The following DDR1 variants were observed in gnomAD, a reference collection of about 807,000 sequenced individuals.
The protein encoded by DDR1 is discoidin domain receptor tyrosine kinase 1.
Under a neutral mutation model 97.4 loss-of-function variants are expected in DDR1, and 64 were observed. The observed-to-expected ratio is 0.66, with a 90% CI of 0.54 to 0.81. The LOEUF (loss-of-function observed/expected upper bound fraction) is 0.81. Ranked by LOEUF, DDR1 falls within the 30% of genes least tolerant of loss-of-function variation. The probability of loss-of-function intolerance (pLI) is 0.00; values close to 1 mark genes in which losing one functional copy is unlikely to be tolerated. For missense variants in DDR1, 990 were observed against 1,259.6 expected, an observed-to-expected ratio of 0.79 and a Z score of 3.24; for synonymous variants, 458 against 503.7, an observed-to-expected ratio of 0.91 and a Z score of 1.21.
rs1582108106 is a variant in DDR1 at position 30,897,887 on chromosome 6, G to A, written c.2217-186G>A. ...GTCCAGATTGGGGAGCACAATAAAA[G>A]AAGAGCCCCCTAGTGTTGGCCAGGC... On this transcript the variant is annotated intron_variant, in intron 15 of 17. Transcript: ENST00000376568. This position sits in a 1 kb window ranked among gnomAD's most constrained non-coding sequence, Gnocchi z 5.2. 2.0e-5 allele frequency among the ~76,000 whole-genome samples: 3 copies of A among 152,330 alleles called. 1 individual carries two copies.
chr6:30,887,980 T>C lies in DDR1; in HGVS notation c.-42-708T>C, dbSNP rs1441953314. Among the ~76,000 whole-genome samples the C allele has an allele frequency of 4.6e-5, 7 of 152,302 alleles. No homozygotes were observed. The East Asian group carries it at 9.6e-4, about 21-fold the overall frequency. On this transcript the variant is annotated intron_variant, in intron 1 of 17. Coordinates refer to ENST00000376568, the MANE Select transcript of DDR1 (RefSeq NM_001297654.2). ...AGAGGATGTGCATTTTTAATTATAA[T>C]AGACATTGCTAGATTGCTTTCCAAA...
chr6:30,891,546 T>TGA lies in DDR1; in HGVS notation c.665+68_665+69insAG. 1.1e-6 allele frequency: 1 copy of TGA among 934,300 alleles called. No homozygotes were observed. The highest frequency in any genetic ancestry group is 1.7e-6 in the Non-Finnish European group (1 of 605,424). The allele number at this position is 934,300 out of a possible 1,614,324, so 57.9% of individuals were successfully genotyped here. A position where few individuals can be genotyped will look rare whatever the true frequency, so the allele number is the denominator to read the frequency against. On this transcript the variant is annotated intron_variant, in intron 6 of 17. Coordinates refer to ENST00000376568, the MANE Select transcript of DDR1 (RefSeq NM_001297654.2). This position sits in a 1 kb window ranked among gnomAD's most constrained non-coding sequence, Gnocchi z 5.3. ...GGAGGACTGTGTGTGTGTGTGTGTG[T>TGA]GTGTGTGTGTGAGAGTGTGTGTGTG...
intron 1 of DDR1, chr6:30,885,733 ACT>A (rs924600621): frequency 2.3e-6 from 3 of 1,295,932 alleles, no homozygotes; most frequent in Admixed American, 2.3e-5. Context: ...TGTCTCAGAA[ACT>A]CTGTGAGGGT....
rs1005698523 is a variant in DDR1 at position 30,894,458 on chromosome 6, C to G, written c.1348-48C>G. 1.3e-6 allele frequency: 2 copies of G among 1,541,710 alleles called. No individual in the cohort carries two copies. Among genetic ancestry groups the G allele is most frequent in the African/African-American group, 2.7e-5 (2 of 72,934 alleles). On this transcript the variant is annotated intron_variant, in intron 10 of 17. Coordinates refer to ENST00000376568, the MANE Select transcript of DDR1 (RefSeq NM_001297654.2). This position sits in a 1 kb window ranked among gnomAD's most constrained non-coding sequence, Gnocchi z 5.7. ...GGGATGGACACAGCAGAGGGCCAGG[C>G]CGTGTGTGCTGAGCAACACGGGTGA...
Position 30,897,337 on chromosome 6 carries a change from C to G in DDR1, c.1998-42C>G. The stretch of plus-strand genomic sequence containing the variant: ...TGGGGGCGCGGGGGAAGGTGCAGGC[C>G]GCCCACTCGGCATTCCTCTTCAGCT... On this transcript the variant is annotated intron_variant, in intron 14 of 17. Coordinates refer to ENST00000376568, the MANE Select transcript of DDR1 (RefSeq NM_001297654.2). This position sits in a 1 kb window ranked among gnomAD's most constrained non-coding sequence, Gnocchi z 5.2. 6.3e-7 allele frequency: 1 copy of G among 1,599,466 alleles called. No individual in the cohort carries two copies. Among genetic ancestry groups the G allele is most frequent in the Non-Finnish European group, 8.5e-7 (1 of 1,172,142 alleles).
In DDR1 at chr6:30,890,957, G is replaced by T; in HGVS notation, c.418-16G>T. On this transcript the variant is annotated splice_polypyrimidine_tract_variant and intron_variant, in intron 4 of 17. Transcript: ENST00000376568. The surrounding 1 kb of genome is among the most constrained non-coding windows in gnomAD (Gnocchi z 5.0). ...CTGGACTCCATCCCACCCACCCCCT[G>T]TTTCCTGGCCCACAGGTGATCTCAG... 1 of 1,557,190 alleles carries T rather than the reference G, an allele frequency of 6.4e-7. No individual in the cohort carries two copies. Among genetic ancestry groups the T allele is most frequent in the Non-Finnish European group, 8.7e-7 (1 of 1,155,490 alleles).
Position 30,898,216 on chromosome 6 carries a change from T to C in DDR1, c.2360T>C (p.Met787Thr), listed in dbSNP as rs1293045259. The C allele has an allele frequency of 4.3e-6, 7 of 1,613,912 alleles. No homozygotes were observed. Among genetic ancestry groups the C allele is most frequent in the African/African-American group, 1.3e-5 (1 of 74,948 alleles). ...ACCATCAAAATCGCAGACTTTGGCA[T>C]GAGCCGGAACCTCTATGCTGGGGAC... ...NFTIKIADFG[M>T]SRNLYAGDYY... Residue 787 changes from methionine to threonine, a missense_variant, in exon 16 of 18, where the codon ATG becomes ACG. Physicochemically the swap from Met to Thr is moderately conservative, Grantham distance 81. Transcript: ENST00000376568.
In DDR1 at chr6:30,888,468, T is replaced by G. The variant is rs905074346; in HGVS notation, c.-42-220T>G. On this transcript the variant is annotated intron_variant, in intron 1 of 17. Transcript: ENST00000376568. The surrounding 1 kb of genome is among the most constrained non-coding windows in gnomAD (Gnocchi z 4.2). ...ATGGATAGTAATAGTATCTACCTTA[T>G]GAAGTGACTGTGAAGATAAAATTAT... 6.8e-6 allele frequency: 4 copies of G among 588,004 alleles called. No homozygotes were observed. Among genetic ancestry groups the G allele is most frequent in the Non-Finnish European group, 1.2e-5 (4 of 334,014 alleles). 36.4% of individuals were successfully genotyped at this position (588,004 alleles called of 1,614,324 possible).
In DDR1 at chr6:30,897,649, CTCCTCTCCCCTCGCTT is replaced by C. The variant is rs752469979; in HGVS notation, c.2216+53_2216+68del. 3.5e-6 allele frequency: 5 copies of C among 1,430,130 alleles called. No homozygotes were observed. In the African/African-American group the frequency reaches 7.0e-5, roughly 20 times the overall value. 88.6% of individuals were successfully genotyped at this position (1,430,130 alleles called of 1,614,324 possible). On this transcript the variant is annotated intron_variant, in intron 15 of 17. Coordinates refer to ENST00000376568, the MANE Select transcript of DDR1 (RefSeq NM_001297654.2). The surrounding 1 kb of genome is among the most constrained non-coding windows in gnomAD (Gnocchi z 5.2). ...GCTCAGAATTCCCCCAGGGGATCTC[CTCCTCTCCCCTCGCTT>C]CAGCCTGGAGGAAAAGAGGGGAGCG...
At position 30,891,959 on chromosome 6, in the gene DDR1, TC is replaced by T. The variant is rs1382105431; in HGVS notation, c.666-42del. On this transcript the variant is annotated intron_variant, in intron 6 of 17. Transcript: ENST00000376568. The surrounding 1 kb of genome is among the most constrained non-coding windows in gnomAD (Gnocchi z 5.3). ...GCAGAATGCCTGGATGTCAAGACCC[TC>T]TTCCCTTCCAACCTCCTCTTCCTTG... The T allele has an allele frequency of 1.0e-5, 16 of 1,607,876 alleles. No homozygotes were observed. Among genetic ancestry groups the T allele is most frequent in the Non-Finnish European group, 1.1e-5 (13 of 1,175,792 alleles).
In DDR1 at chr6:30,897,585, G is replaced by A; in HGVS notation, c.2204G>A (p.Gly735Glu). ...GAPGDGQAAQ[G>E]PTISYPMLLH... ...CCTGGGGACGGGCAGGCTGCGCAGG[G>A]GCCCACCATCAGGTACCTGCTTACC... is the stretch of plus-strand genomic sequence containing the variant. The change falls in exon 15 of 18, where the codon GGG becomes GAG. Residue 735 changes from glycine to glutamate, a missense_variant. Transcript: ENST00000376568. The surrounding 1 kb of genome is among the most constrained non-coding windows in gnomAD (Gnocchi z 5.2). The A allele has an allele frequency of 6.2e-7, 1 of 1,611,042 alleles. No individual in the cohort carries two copies. The highest frequency in any genetic ancestry group is 1.1e-5 in the South Asian group (1 of 91,022).
upstream of DDR1, among the ~76,000 whole-genome samples, chr6:30,882,225 T>G (rs1784418738): frequency 6.6e-6 from 1 of 152,180 alleles, no homozygotes; most frequent in African/African-American, 2.4e-5. This position sits in a 1 kb window ranked among gnomAD's most constrained non-coding sequence, Gnocchi z 4.8. Context: ...AGCTGCCTTC[T>G]CCCCTCTCCT....
In DDR1 at chr6:30,886,060, G is replaced by A. The variant is rs1785688317; in HGVS notation, c.-43+1350G>A. Reference sequence around the variant, plus strand: ...GTGGAGAGAGATGAGGTGACTGGGGGTGTTGGAGAACAGACAGCCCAGACG... The same window carrying A: ...GTGGAGAGAGATGAGGTGACTGGGGATGTTGGAGAACAGACAGCCCAGACG... On this transcript the variant is annotated intron_variant, in intron 1 of 17. Coordinates refer to ENST00000376568, the MANE Select transcript of DDR1 (RefSeq NM_001297654.2). The surrounding 1 kb of genome is among the most constrained non-coding windows in gnomAD (Gnocchi z 4.6). 6.6e-6 allele frequency among the ~76,000 whole-genome samples: 1 copy of A among 152,268 alleles called. No individual in the cohort carries two copies. Among genetic ancestry groups the A allele is most frequent in the Non-Finnish European group, 1.5e-5 (1 of 68,016 alleles).
At position 30,888,492 on chromosome 6, in the gene DDR1, A is replaced by T. The variant is rs1786708592; in HGVS notation, c.-42-196A>T. 1 of 612,158 alleles carries T rather than the reference A, an allele frequency of 1.6e-6. No individual in the cohort carries two copies. Among genetic ancestry groups the T allele is most frequent in the East Asian group, 2.8e-5 (1 of 35,918 alleles). 37.9% of individuals were successfully genotyped at this position (612,158 alleles called of 1,614,324 possible). A position where few individuals can be genotyped will look rare whatever the true frequency, so the allele number is the denominator to read the frequency against. On this transcript the variant is annotated intron_variant, in intron 1 of 17. Coordinates refer to ENST00000376568, the MANE Select transcript of DDR1 (RefSeq NM_001297654.2). This position sits in a 1 kb window ranked among gnomAD's most constrained non-coding sequence, Gnocchi z 4.2. ...ATGAAGTGACTGTGAAGATAAAATT[A>T]TGGATTCTGTTTAAGGGTTTAGGCC...
intron 1 of DDR1, chr6:30,885,867 G>T: frequency 7.9e-7 from 1 of 1,273,612 alleles, no homozygotes; most frequent in Non-Finnish European, 1.0e-6. Flanking sequence ...GGTGTTGTCT[G>T]AGTGGGACTT....
At position 30,894,752 on chromosome 6, in the gene DDR1, C is replaced by G; in HGVS notation, c.1513+81C>G. On this transcript the variant is annotated intron_variant, in intron 11 of 17. Coordinates refer to ENST00000376568, the MANE Select transcript of DDR1 (RefSeq NM_001297654.2). This position sits in a 1 kb window ranked among gnomAD's most constrained non-coding sequence, Gnocchi z 5.7. ...TATCCCTTTCCCATTCTCTTTTTTT[C>G]CTGTCTTCCCCAGTTTCCACTTGTT... The G allele has an allele frequency of 7.0e-7, 1 of 1,425,086 alleles. No homozygotes were observed. Among genetic ancestry groups the G allele is most frequent in the Non-Finnish European group, 9.4e-7 (1 of 1,067,228 alleles). 88.3% of individuals were successfully genotyped at this position (1,425,086 alleles called of 1,614,324 possible).
rs776618172 is a variant in DDR1, at chr6:30,896,697, C to T, written c.1701C>T (p.Pro567=). 1 of 1,609,844 alleles carries T rather than the reference C, an allele frequency of 6.2e-7. No individual in the cohort carries two copies. The highest frequency in any genetic ancestry group is 8.5e-7 in the Non-Finnish European group (1 of 1,178,200). Residue 567 remains proline (P), a synonymous_variant, in exon 13 of 18, where the codon CCC becomes CCT. Transcript: ENST00000376568. ...LLPPPPQNSV[P]HYAEADIVTL... Reference sequence around the variant, plus strand: ...CCCCACCTCCCCAGAACAGCGTCCCCCATTATGCCGAGGCTGACATTGTTA... The same window carrying T: ...CCCCACCTCCCCAGAACAGCGTCCCTCATTATGCCGAGGCTGACATTGTTA...
At chr6:30,883,608 T>G (rs1264990426), upstream of DDR1, 1 of 152,674 alleles carries the variant, frequency 6.5e-6, no homozygotes, top group Non-Finnish European at 1.5e-5. The surrounding 1 kb of genome is among the most constrained non-coding windows in gnomAD (Gnocchi z 4.9). Context: ...TTTGGCCTCT[T>G]CTGGCCAGTG....
chr6:30,897,122 G>A lies in DDR1; in HGVS notation c.1978G>A (p.Asp660Asn), dbSNP rs200569741. Reference sequence around the variant, plus strand: ...GGTAGCTGTCAAGATCTTACGGCCAGATGCCACCAAGAATGCCAGGTGAGG... The same window carrying A: ...GGTAGCTGTCAAGATCTTACGGCCAAATGCCACCAAGAATGCCAGGTGAGG... ...LLVAVKILRPDATKNARNDFL... is the reference protein window; with the variant it reads ...LLVAVKILRPNATKNARNDFL... The change falls in exon 14 of 18, where the codon GAT becomes AAT. Residue 660 changes from aspartate to asparagine, a missense_variant. Physicochemically the swap from Asp to Asn is conservative, Grantham distance 23. Transcript: ENST00000376568. The surrounding 1 kb of genome is among the most constrained non-coding windows in gnomAD (Gnocchi z 5.2). 68 of 1,614,000 alleles carry A rather than the reference G, an allele frequency of 4.2e-5. No homozygotes were observed. The highest frequency in any genetic ancestry group is 3.1e-5 in the Non-Finnish European group (36 of 1,179,978).
Sources: gnomAD v4.1 joint callset for allele counts (sites outside exome capture counted in the v4.1 genomes callset) on GRCh38, gnomAD v4.1.1 for gene constraint, Gnocchi (gnomAD v3.1) non-coding constraint, MANE v1.5 for transcripts, NCBI Gene and HGNC (gene_info 2026-07-23, HGNC 2026-07-21) for gene names.